DLGAP5: variants seen among roughly 807,000 people sequenced by gnomAD.
DLGAP5 encodes the protein DLG associated protein 5, also known as disks large-associated protein 5.
DLGAP5 carries 90 observed loss-of-function variants against 99.6 expected under a neutral mutation model. That is an observed-to-expected ratio of 0.90 (90% CI 0.76 to 1.08). DLGAP5 has a LOEUF of 1.08. Among genes scored for constraint, DLGAP5 ranks in the 50% least tolerant of loss-of-function variants. The pLI is 0.00. For synonymous variants in DLGAP5, 311 were observed against 321.3 expected (o/e 0.97, Z 0.34); for missense variants, 1,036 against 983.5 (o/e 1.05, Z -0.71).
intron 13 of DLGAP5, among the ~76,000 whole-genome samples, chr14:55,162,658 A>T (rs1319515358): frequency 6.6e-6 from 1 of 151,640 alleles, no homozygotes; most frequent in Non-Finnish European, 1.5e-5. Context: ...ACCAACACTC[A>T]TATATCCAGT....
At chr14:55,150,244 A>C (rs1047494346) in intron 18 of DLGAP5, 20 of 152,290 alleles carry the variant, frequency 1.3e-4, no homozygotes, top group African/African-American at 4.8e-4. Context: ...GAATGCGTTC[A>C]TATTATACCC....
intron 9 of DLGAP5, 37 bp downstream of exon 9, chr14:55,175,854 CATT>C (rs764180166): frequency 1.6e-5 from 24 of 1,467,890 alleles, no homozygotes; most frequent in African/African-American, 4.3e-5. Context: ...TTTGTATTAA[CATT>C]ATTCTAAAAA....
Position 55,177,156 on chromosome 14 carries a change from C to T in DLGAP5, c.955G>A (p.Gly319Ser). 1 of 1,610,436 alleles carries T rather than the reference C, an allele frequency of 6.2e-7. No individual in the cohort carries two copies. The highest frequency in any genetic ancestry group is 2.2e-5 in the East Asian group (1 of 44,810). ...PKDFMFQPLD[G>S]LKTYQVTPMT... is the part of the protein sequence containing the mutation. The stretch of plus-strand genomic sequence containing the variant: ...GGTGTTACTTGATAGGTCTTCAGAC[C>T]ATCCAGTGGCTGAAACATAAAATCC... The change falls in exon 8 of 19, where the codon GGT becomes AGT. Residue 319 changes from glycine to serine, a missense_variant. Transcript: ENST00000247191.
chr14:55,169,697 A>G (rs1423879292), intron 11 of DLGAP5, 138 bp from the exon 12 acceptor site: 1 of 644,750 alleles, frequency 1.6e-6, no homozygotes, highest in Admixed American at 3.6e-5. Context: ...TCTACCACAA[A>G]ACTTTGTCAT....
At chr14:55,157,497 T>G (rs1271823098) in intron 14 of DLGAP5, among the ~76,000 whole-genome samples, 1 of 152,164 alleles carries the variant, frequency 6.6e-6, no homozygotes, top group African/African-American at 2.4e-5. Context: ...TAGGTTTACT[T>G]TGAAAAAACT....
chr14:55,183,443 C>T (rs1883334818), intron 3 of DLGAP5, 117 bp downstream of exon 3: 2 of 836,398 alleles, frequency 2.4e-6, no homozygotes, highest in Non-Finnish European at 3.4e-6. Context: ...TATGTCATTC[C>T]CACCTTCTAC....
intron 15 of DLGAP5, among the ~76,000 whole-genome samples, chr14:55,154,224 G>A (rs905905057): frequency 6.6e-6 from 1 of 152,176 alleles, no homozygotes; most frequent in Non-Finnish European, 1.5e-5. Context: ...CCTTGGGGAG[G>A]CATTAGCACT....
chr14:55,159,048 C>CAT (rs1882318055), intron 13 of DLGAP5, among the ~76,000 whole-genome samples: 1 of 149,570 alleles, frequency 6.7e-6, no homozygotes, highest in South Asian at 2.1e-4. Context: ...ATGACACCCC[C>CAT]CCCCCATAAA....
At chr14:55,151,213 T>C (rs1295635840) in intron 17 of DLGAP5, among the ~76,000 whole-genome samples, 1 of 152,084 alleles carries the variant, frequency 6.6e-6, no homozygotes, top group Non-Finnish European at 1.5e-5. Context: ...CTGGCACACA[T>C]TATAACAAAA....
chr14:55,177,193 G>A lies in DLGAP5; in HGVS notation c.918C>T (p.Ser306=), dbSNP rs756034801. 18 of 1,613,658 alleles carry A rather than the reference G, an allele frequency of 1.1e-5. No homozygotes were observed. The East Asian group carries it at 3.8e-4, about 34-fold the overall frequency. ...INTAKIKGKN[S]FAPKDFMFQP... The stretch of plus-strand genomic sequence containing the variant: ...GAAACATAAAATCCTTAGGTGCAAA[G>A]GAATTCTTCCCTTTTATTTTTGCAG... Residue 306 remains serine, a synonymous_variant, in exon 8 of 19, where the codon TCC becomes TCT. Coordinates refer to ENST00000247191, the MANE Select transcript of DLGAP5 (RefSeq NM_014750.5).
In DLGAP5 at chr14:55,186,470, G is replaced by C. The variant is rs144876274; in HGVS notation, c.238+2472C>G. On this transcript the variant is annotated intron_variant, in intron 2 of 18. Transcript: ENST00000247191. ...CAAGTAAGAGCAACACGTTTTATTT[G>C]AATGTCTTTTTAAATCTCTTCATCT... Among the ~76,000 whole-genome samples the C allele has an allele frequency of 2.1e-3, 317 of 152,250 alleles. 2 individuals are homozygous for C. Among genetic ancestry groups the C allele is most frequent in the African/African-American group, 7.2e-3 (300 of 41,542 alleles).
rs748670376 is a variant in DLGAP5, at chr14:55,154,663, T to A, written c.2017A>T (p.Ser673Cys). Reference sequence around the variant, plus strand: ...AACAAAGTCTTCTTCACATGTTCACTTTTCGTATTCTGAGGACCGGCATTT... The same window carrying A: ...AACAAAGTCTTCTTCACATGTTCACATTTCGTATTCTGAGGACCGGCATTT... ...PENAGPQNTK[S>C]EHVKKTLFLS... The change falls in exon 15 of 19, where the codon AGT (serine) becomes TGT (cysteine). Residue 673 changes from serine to cysteine, a missense_variant. By Grantham distance (112) the Ser-to-Cys change is moderately radical. Transcript: ENST00000247191. 1.8e-5 allele frequency: 29 copies of A among 1,614,078 alleles called. No individual in the cohort carries two copies. The highest frequency in any genetic ancestry group is 1.1e-4 in the South Asian group (10 of 91,090).
chr14:55,190,012 A>G (rs1883556978), intron 1 of DLGAP5, among the ~76,000 whole-genome samples: 1 of 152,202 alleles, frequency 6.6e-6, no homozygotes. Context: ...TCATTAGCAT[A>G]CAAAAAGGTA....
chr14:55,151,600 T>C, intron 17 of DLGAP5, 95 bp downstream of exon 17: 3 of 1,259,618 alleles, frequency 2.4e-6, no homozygotes, highest in Admixed American at 5.1e-5. Context: ...AATAGTTAGA[T>C]CTAATGTAAA....
intron 15 of DLGAP5, 70 bp from the exon 16 acceptor site, chr14:55,152,717 T>G: frequency 1.5e-6 from 2 of 1,329,836 alleles, no homozygotes; most frequent in Non-Finnish European, 2.0e-6. Context: ...TTTTGAGTCT[T>G]TCCTTTAATG....
Position 55,179,577 on chromosome 14 carries a change from T to G in DLGAP5, c.774+52A>C, listed in dbSNP as rs28488729. Reference sequence around the variant, plus strand: ...ATGTTTAATTTCAACTTTATGAAAGTAGCAATGAGATTTTCAAAGCATCTA... The same window carrying G: ...ATGTTTAATTTCAACTTTATGAAAGGAGCAATGAGATTTTCAAAGCATCTA... On this transcript the variant is annotated intron_variant, in intron 7 of 18. Coordinates refer to ENST00000247191, the MANE Select transcript of DLGAP5 (RefSeq NM_014750.5). The G allele has an allele frequency of 4.9e-3, 7,100 of 1,455,464 alleles. 272 individuals carry two copies. In the African/African-American group the frequency reaches 0.087, roughly 18 times the overall value. 90.2% of individuals were successfully genotyped at this position (1,455,464 alleles called of 1,614,324 possible).
At chr14:55,169,909 C>T (rs530048941) in intron 11 of DLGAP5, among the ~76,000 whole-genome samples, 29 of 152,148 alleles carry the variant, frequency 1.9e-4, no homozygotes, top group Admixed American at 4.6e-4. Flanking sequence ...CCAAGGTGGG[C>T]GGCTCACCTG....
rs1368705714 is a variant in DLGAP5, at chr14:55,191,465, G to C, written c.-4C>G. On this transcript the variant is annotated splice_region_variant and 5_prime_UTR_variant, in exon 1 of 19. Coordinates refer to ENST00000247191, the MANE Select transcript of DLGAP5 (RefSeq NM_014750.5). ...CCAGCTCTCCAGCACCCACCTACCT[G>C]AGCCACCTTCTAGCGTGAAACCTCA... 6.5e-6 allele frequency: 1 copy of C among 153,120 alleles called. No individual in the cohort carries two copies. Among genetic ancestry groups the C allele is most frequent in the Non-Finnish European group, 1.5e-5 (1 of 68,356 alleles). The allele number at this position is 153,120 out of a possible 1,614,324, so 9.5% of individuals were successfully genotyped here.
intron 12 of DLGAP5, among the ~76,000 whole-genome samples, chr14:55,167,275 T>C (rs1312145406): frequency 2.0e-5 from 3 of 147,226 alleles, no homozygotes; most frequent in Non-Finnish European, 4.5e-5. Context: ...AAAAAGACTA[T>C]AAACAATGTA....
Sources: allele counts gnomAD v4.1 joint callset (sites outside exome capture counted in the v4.1 genomes callset), GRCh38; gene constraint gnomAD v4.1.1; transcripts MANE v1.5; gene names NCBI Gene and HGNC (gene_info 2026-07-23, HGNC 2026-07-21).